The following HDAC9 variants were observed in gnomAD, a reference collection of about 807,000 sequenced individuals.
HDAC9 encodes the protein histone deacetylase 9, also known as MEF-2 interacting transcription repressor (MITR) protein.
Under a neutral mutation model 139.4 loss-of-function variants are expected in HDAC9, and 41 were observed. The observed-to-expected ratio is 0.29, with a 90% CI of 0.23 to 0.38. The LOEUF is 0.38. Ranked by LOEUF, HDAC9 falls within the 10% of genes least tolerant of loss-of-function variation. The pLI is 1.00. For synonymous variants in HDAC9, 517 were observed against 476.2 expected (o/e 1.09, Z -1.12); for missense variants, 1,147 against 1,297.0 (o/e 0.88, Z 1.78).
chr7:18,313,908 A>T (rs1799473749), intron 1 of HDAC9, among the ~76,000 whole-genome samples: 1 of 152,182 alleles, frequency 6.6e-6, no homozygotes, highest in Non-Finnish European at 1.5e-5. Context: ...ACTTAGAGAC[A>T]TTTGATATAT....
chr7:18,505,083 A>G (rs1043545260), intron 2 of HDAC9, among the ~76,000 whole-genome samples: 1 of 152,214 alleles, frequency 6.6e-6, no homozygotes, highest in African/African-American at 2.4e-5. Flanking sequence ...CGAGGAAGTT[A>G]GCACTATCCA....
At chr7:18,132,309 A>G (rs1335843104) in intron 1 of HDAC9, among the ~76,000 whole-genome samples, 1 of 152,218 alleles carries the variant, frequency 6.6e-6, no homozygotes. Context: ...AAACTCTCAT[A>G]AGATTGTAAT....
chr7:18,381,144 A>C (rs1371338347), intron 1 of HDAC9, among the ~76,000 whole-genome samples: 5 of 133,864 alleles, frequency 3.7e-5, no homozygotes, highest in Admixed American at 8.9e-5. Context: ...GGTTGCAATG[A>C]GCTGAGATCA....
chr7:18,495,879 G>T lies in HDAC9; in HGVS notation c.-186G>T. The T allele has an allele frequency of 8.9e-7, 1 of 1,129,460 alleles. No individual in the cohort carries two copies. Among genetic ancestry groups the T allele is most frequent in the Non-Finnish European group, 1.1e-6 (1 of 923,828 alleles). 70.0% of individuals were successfully genotyped at this position (1,129,460 alleles called of 1,614,324 possible). ...GGTTTAATTGGTTTCTTTTTCTCGT[G>T]GGTAGACTTAATAATTTTCTACGTA... On this transcript the variant is annotated 5_prime_UTR_variant, in exon 1 of 26. Coordinates refer to ENST00000686413, the MANE Select transcript of HDAC9 (RefSeq NM_178425.4).
At chr7:18,243,636 G>A (rs1425546804) in intron 2 of HDAC9, among the ~76,000 whole-genome samples, 1 of 152,190 alleles carries the variant, frequency 6.6e-6, no homozygotes, top group Non-Finnish European at 1.5e-5. Context: ...GGAAGAAAAC[G>A]TGGACCTAGG....
At chr7:18,296,045 T>A (rs1798124351) in intron 1 of HDAC9, among the ~76,000 whole-genome samples, 1 of 152,200 alleles carries the variant, frequency 6.6e-6, no homozygotes, top group Admixed American at 6.5e-5. Flanking sequence ...TTTCATGGTC[T>A]ACCAGTAGGT....
chr7:18,543,278 T>A (rs1813617318), intron 2 of HDAC9: 1 of 152,126 alleles, frequency 6.6e-6, no homozygotes, highest in Non-Finnish European at 1.5e-5. Flanking sequence ...CTGAGGGACA[T>A]GTGAATGGTG....
At chr7:18,626,324 C>T (rs975451884) in intron 6 of HDAC9, among the ~76,000 whole-genome samples, 2 of 152,132 alleles carry the variant, frequency 1.3e-5, no homozygotes, top group Admixed American at 1.3e-4. Context: ...TGGCCACCAG[C>T]CTGTCCTGCC....
At chr7:18,127,667 C>CTT in intron 1 of HDAC9, among the ~76,000 whole-genome samples, 1 of 152,086 alleles carries the variant, frequency 6.6e-6, no homozygotes, top group Non-Finnish European at 1.5e-5. Flanking sequence ...ATTTACTTAA[C>CTT]ACAGCCATGC....
intron 25 of HDAC9, among the ~76,000 whole-genome samples, chr7:18,990,645 G>A (rs1267301206): frequency 1.3e-5 from 2 of 152,218 alleles, no homozygotes; most frequent in Non-Finnish European, 2.9e-5. Context: ...CCCTCCCCCA[G>A]CCTGGCTGCC....
At chr7:18,229,422 A>T (rs1793294621) in intron 2 of HDAC9, among the ~76,000 whole-genome samples, 1 of 152,202 alleles carries the variant, frequency 6.6e-6, no homozygotes. Flanking sequence ...GAGTGCAGGG[A>T]TGCTGGAGTC....
At chr7:18,620,784 T>G (rs1476975385) in intron 6 of HDAC9, among the ~76,000 whole-genome samples, 2 of 152,206 alleles carry the variant, frequency 1.3e-5, no homozygotes, top group Non-Finnish European at 2.9e-5. Context: ...CTTCCCATCC[T>G]ACTCTGCGAT....
chr7:18,442,529 C>T (rs1018199803), intron 1 of HDAC9, among the ~76,000 whole-genome samples: 2 of 152,148 alleles, frequency 1.3e-5, no homozygotes, highest in African/African-American at 2.4e-5. Context: ...CTCATTTTAT[C>T]TCCATTAGGG....
chr7:18,171,517 T>A (rs1788441983), intron 2 of HDAC9, among the ~76,000 whole-genome samples: 2 of 152,204 alleles, frequency 1.3e-5, no homozygotes, highest in African/African-American at 2.4e-5. Flanking sequence ...CATCCCTGTC[T>A]TGTGCCAGTT....
At chr7:18,402,135 AG>A (rs891583937) in intron 1 of HDAC9, among the ~76,000 whole-genome samples, 1 of 152,170 alleles carries the variant, frequency 6.6e-6, no homozygotes, top group African/African-American at 2.4e-5. Flanking sequence ...GTTGACTTGG[AG>A]GGGGTGGATA....
chr7:18,456,876 C>T (rs914735883), intron 1 of HDAC9, among the ~76,000 whole-genome samples: 4 of 152,176 alleles, frequency 2.6e-5, no homozygotes, highest in African/African-American at 9.7e-5. Flanking sequence ...ATGTCCAATT[C>T]AAATAGCTGC....
At chr7:18,184,339 G>C (rs1789737938) in intron 2 of HDAC9, among the ~76,000 whole-genome samples, 2 of 152,172 alleles carry the variant, frequency 1.3e-5, no homozygotes, top group Non-Finnish European at 2.9e-5. Context: ...GGGTGAGGTT[G>C]CGGTGAGCCA....
chr7:18,541,152 T>TTG (rs953829765), intron 2 of HDAC9, among the ~76,000 whole-genome samples: 2 of 147,682 alleles, frequency 1.4e-5, no homozygotes, highest in African/African-American at 5.0e-5. Flanking sequence ...TTTTTTTTTT[T>TTG]TTTTTTTTTT....
chr7:18,887,855 C>G (rs1043393593), intron 22 of HDAC9, among the ~76,000 whole-genome samples: 2 of 151,996 alleles, frequency 1.3e-5, no homozygotes, highest in Non-Finnish European at 2.9e-5. Flanking sequence ...CCAACTGAAC[C>G]TCTAGACTTG....
Sources: allele counts gnomAD v4.1 joint callset (sites outside exome capture counted in the v4.1 genomes callset), GRCh38; gene constraint gnomAD v4.1.1; transcripts MANE v1.5; gene names NCBI Gene and HGNC (gene_info 2026-07-23, HGNC 2026-07-21).